The following LAMA5 variants were observed in gnomAD, a reference collection of about 807,000 sequenced individuals.
LAMA5 encodes laminin subunit alpha-5.
LAMA5 carries 260 observed loss-of-function variants against 433.4 expected under a neutral mutation model. That is an observed-to-expected ratio of 0.60 (90% CI 0.54 to 0.66). The LOEUF is 0.66. LAMA5 is among the 30% of genes least tolerant of loss of function. LAMA5 has a pLI of 0.00. For missense variants in LAMA5, 5,378 were observed against 5,258.5 expected, an observed-to-expected ratio of 1.02 and a Z score of -0.70; for synonymous variants, 2,620 against 2,226.6, an observed-to-expected ratio of 1.18 and a Z score of -4.97.
chr20:62,342,473 C>T (rs780532240), intron 11 of LAMA5, among the ~76,000 whole-genome samples: 3 of 151,874 alleles, frequency 2.0e-5, no homozygotes, highest in Admixed American at 2.0e-4. Flanking sequence ...GTCAGGAGAT[C>T]GAGACCATCC....
At chr20:62,338,974 T>C (rs1601376840) in intron 11 of LAMA5, among the ~76,000 whole-genome samples, 2 of 149,168 alleles carry the variant, frequency 1.3e-5, no homozygotes, top group African/African-American at 4.9e-5. Flanking sequence ...GAGGCGGAGG[T>C]TGCAATGAGC....
rs766604376 is a variant in LAMA5 at position 62,346,254 on chromosome 20, A to G, written c.1283-39T>C. On this transcript the variant is annotated intron_variant, in intron 9 of 79. Transcript: ENST00000252999. ...GGAGCCGGGTAAGCCTGGAGCTACC[A>G]GGACTCAAGGGGTGGGCTCCAAGAT... 4 of 1,591,380 alleles carry G rather than the reference A, an allele frequency of 2.5e-6. No homozygotes were observed. In the South Asian group the frequency reaches 4.5e-5, roughly 18 times the overall value.
In LAMA5 at chr20:62,310,289, A is replaced by C; in HGVS notation, c.10623T>G (p.Pro3541=). The stretch of plus-strand genomic sequence containing the variant: ...GCACCTCCAGTTCCAGGCCCACATC[A>C]GGCAGTGTAGCTCCTGGGAGGTCTG... ...ITLDLPGATL[P]DVGLELEVRP... The change falls in exon 77 of 80, where the codon CCT becomes CCG. Residue 3541 remains proline (P), a synonymous_variant. Coordinates refer to ENST00000252999, the MANE Select transcript of LAMA5 (RefSeq NM_005560.6). 1 of 1,609,752 alleles carries C rather than the reference A, an allele frequency of 6.2e-7. No individual in the cohort carries two copies. Among genetic ancestry groups the C allele is most frequent in the Non-Finnish European group, 8.5e-7 (1 of 1,178,076 alleles).
In LAMA5 at chr20:62,337,822, C is replaced by A; in HGVS notation, c.2008G>T (p.Gly670Cys). Reference sequence around the variant, plus strand: ...CACTCACGGACACAGCTGGGGAAGCCGTGAAAGCCGGGGCTGCATTCCTGG... The same window carrying A: ...CACTCACGGACACAGCTGGGGAAGCAGTGAAAGCCGGGGCTGCATTCCTGG... Reference protein sequence around the residue: ...ACQECSPGFHGFPSCVPCHCS... With the variant: ...ACQECSPGFHCFPSCVPCHCS... The change falls in exon 15 of 80, where the codon GGC (glycine) becomes TGC (cysteine). Residue 670 changes from glycine to cysteine, a missense_variant. Coordinates refer to ENST00000252999, the MANE Select transcript of LAMA5 (RefSeq NM_005560.6). 1 of 1,612,680 alleles carries A rather than the reference C, an allele frequency of 6.2e-7. No homozygotes were observed. The highest frequency in any genetic ancestry group is 8.5e-7 in the Non-Finnish European group (1 of 1,179,896).
intron 9 of LAMA5, 125 bp from the exon 10 acceptor site, chr20:62,346,340 G>A (rs1006128448): frequency 4.3e-6 from 6 of 1,407,538 alleles, no homozygotes; most frequent in African/African-American, 4.3e-5. Flanking sequence ...CAGGCCCCCT[G>A]GGGGGACATG....
intron 2 of LAMA5, among the ~76,000 whole-genome samples, chr20:62,354,085 A>G (rs1293440112): frequency 6.6e-6 from 1 of 151,922 alleles, no homozygotes; most frequent in Non-Finnish European, 1.5e-5. Flanking sequence ...GGCTCTGCCT[A>G]CTTTCTCCCC....
chr20:62,344,568 C>G (rs1448315174), intron 11 of LAMA5, among the ~76,000 whole-genome samples: 1 of 152,010 alleles, frequency 6.6e-6, no homozygotes. Flanking sequence ...CCTGCCTCAG[C>G]CCCCCAAGTA....
At chr20:62,316,625 A>G in intron 57 of LAMA5, 46 bp downstream of exon 57, 1 of 1,413,372 alleles carries the variant, frequency 7.1e-7, no homozygotes. Flanking sequence ...CTGGGAGCTC[A>G]GATGCCCAGC....
intron 61 of LAMA5, 48 bp from the exon 62 acceptor site, chr20:62,314,488 G>T (rs774712166): frequency 5.6e-6 from 9 of 1,610,694 alleles, no homozygotes; most frequent in East Asian, 4.5e-5. Context: ...GGGGACCAGG[G>T]ACCAGGCACC....
At chr20:62,316,415 C>T (rs1056246810) in intron 57 of LAMA5, 1 of 529,128 alleles carries the variant, frequency 1.9e-6, no homozygotes, top group Non-Finnish European at 3.4e-6. Flanking sequence ...TATCTCTTGC[C>T]CTGTGCCCTG....
chr20:62,365,158 G>T (rs1258821230), intron 1 of LAMA5, among the ~76,000 whole-genome samples: 1 of 152,236 alleles, frequency 6.6e-6, no homozygotes, highest in Non-Finnish European at 1.5e-5. Flanking sequence ...GAAGCGAAGG[G>T]TTCACCTCTA....
chr20:62,362,718 T>C (rs1021318308), intron 1 of LAMA5, among the ~76,000 whole-genome samples, 166 bp from the exon 2 acceptor site: 1 of 152,194 alleles, frequency 6.6e-6, no homozygotes, highest in Non-Finnish European at 1.5e-5. Flanking sequence ...GCCAAGCACC[T>C]GCTGCTCCTC....
At chr20:62,320,181 G>C (rs1248715382) in intron 50 of LAMA5, among the ~76,000 whole-genome samples, 2 of 151,808 alleles carry the variant, frequency 1.3e-5, no homozygotes, top group Non-Finnish European at 2.9e-5. Flanking sequence ...AGCTGGGCGT[G>C]GTGGCGTGTG....
At chr20:62,311,575 C>T (rs753127980) in intron 71 of LAMA5, 39 bp from the exon 72 acceptor site, 29 of 1,609,368 alleles carry the variant, frequency 1.8e-5, no homozygotes, top group Middle Eastern at 1.7e-4. Flanking sequence ...CTGCGGAAGG[C>T]CAGCTGGGAC....
intron 70 of LAMA5, 62 bp downstream of exon 70, chr20:62,311,858 A>T: frequency 7.7e-7 from 1 of 1,302,454 alleles, no homozygotes; most frequent in African/African-American, 1.7e-5. Flanking sequence ...ACAGAGGTCC[A>T]GGCAAGTGCA....
chr20:62,317,044 G>A (rs13038400), intron 55 of LAMA5, 21 bp from the exon 56 acceptor site: 45,829 of 1,514,546 alleles, frequency 0.03, 784 homozygotes, highest in Non-Finnish European at 0.035. Flanking sequence ...AGGGAGGGTC[G>A]AAGGAGTGGG....
At chr20:62,350,385 G>A (rs1568972272) in intron 6 of LAMA5, among the ~76,000 whole-genome samples, 1 of 152,064 alleles carries the variant, frequency 6.6e-6, no homozygotes, top group Non-Finnish European at 1.5e-5. Context: ...AAGTCCTCCG[G>A]CTCAGGTGAC....
chr20:62,312,653 G>C lies in LAMA5; in HGVS notation c.9206C>G (p.Pro3069Arg). The C allele has an allele frequency of 6.2e-7, 1 of 1,607,274 alleles. No homozygotes were observed. The highest frequency in any genetic ancestry group is 1.1e-5 in the South Asian group (1 of 90,238). The change falls in exon 67 of 80, where the codon CCG (proline) becomes CGG (arginine). Residue 3069 changes from proline (P) to arginine (R), a missense_variant. By Grantham distance (103) the Pro-to-Arg change is moderately radical. Transcript: ENST00000252999. ...LADAYYLGGV[P>R]PDQLPPSLRR... Reference sequence around the variant, plus strand: ...TTACCTCGGGGGCAGCTGGTCGGGCGGCACGCCCCCCAGGTAGTAGGCGTC... The same window carrying C: ...TTACCTCGGGGGCAGCTGGTCGGGCCGCACGCCCCCCAGGTAGTAGGCGTC...
intron 3 of LAMA5, 42 bp downstream of exon 3, chr20:62,353,092 C>T: frequency 7.0e-7 from 1 of 1,434,416 alleles, no homozygotes; most frequent in Non-Finnish European, 9.6e-7. Flanking sequence ...CCCAGGGACC[C>T]CCCTGCCTCT....
Sources: gnomAD v4.1 joint callset for allele counts (sites outside exome capture counted in the v4.1 genomes callset) on GRCh38, gnomAD v4.1.1 for gene constraint, MANE v1.5 for transcripts, NCBI Gene and HGNC (gene_info 2026-07-23, HGNC 2026-07-21) for gene names.